The following CACNB2 variants were observed in gnomAD, a reference collection of about 807,000 sequenced individuals.
The protein encoded by CACNB2 is voltage-dependent L-type calcium channel subunit beta-2.
CACNB2 carries 42 observed loss-of-function variants against 73.3 expected under a neutral mutation model. That is an observed-to-expected ratio of 0.57 (90% CI 0.45 to 0.74). The LOEUF is 0.74. Among genes scored for constraint, CACNB2 ranks in the 30% least tolerant of loss-of-function variants. CACNB2 has a pLI of 0.00. For synonymous variants in CACNB2, 348 were observed against 310.3 expected (o/e 1.12, Z -1.28); for missense variants, 940 against 853.0 (o/e 1.10, Z -1.27).
At chr10:18,525,228 G>C in intron 9 of CACNB2, among the ~76,000 whole-genome samples, 1 of 151,832 alleles carries the variant, frequency 6.6e-6, no homozygotes. Flanking sequence ...TTATATGCTT[G>C]GGGATTCCTT....
At chr10:18,263,610 A>G (rs1358140988) in intron 2 of CACNB2, among the ~76,000 whole-genome samples, 1 of 152,206 alleles carries the variant, frequency 6.6e-6, no homozygotes, top group Admixed American at 6.5e-5. Context: ...TTAGTATGAC[A>G]GCTTTCTTAA....
At chr10:18,408,387 C>T (rs1336216143) in intron 3 of CACNB2, among the ~76,000 whole-genome samples, 2 of 151,776 alleles carry the variant, frequency 1.3e-5, no homozygotes, top group African/African-American at 2.4e-5. Context: ...TACAGGTGTG[C>T]ACCACTGCGC....
intron 2 of CACNB2, among the ~76,000 whole-genome samples, chr10:18,251,417 T>G (rs891396180): frequency 6.6e-6 from 1 of 152,026 alleles, no homozygotes; most frequent in African/African-American, 2.4e-5. Context: ...CCAGCCAATT[T>G]TTGTATTTTT....
chr10:18,342,375 C>T (rs994940779), intron 2 of CACNB2, among the ~76,000 whole-genome samples: 1 of 152,130 alleles, frequency 6.6e-6, no homozygotes, highest in African/African-American at 2.4e-5. Context: ...CACCTGTAAT[C>T]CCAAAAGTTT....
At chr10:18,421,071 A>C (rs181414750) in intron 3 of CACNB2, among the ~76,000 whole-genome samples, 86 of 152,236 alleles carry the variant, frequency 5.6e-4, no homozygotes, top group Non-Finnish European at 8.8e-5. Context: ...ATTTTTCCCC[A>C]AAAAATTCAT....
At chr10:18,227,517 C>T (rs138093134) in intron 2 of CACNB2, among the ~76,000 whole-genome samples, 6 of 152,274 alleles carry the variant, frequency 3.9e-5, no homozygotes, top group Admixed American at 1.3e-4. Context: ...ATGAAAGGCA[C>T]ATAAAGGCAA....
chr10:18,309,184 T>C (rs1352861178), intron 2 of CACNB2, among the ~76,000 whole-genome samples: 3 of 152,192 alleles, frequency 2.0e-5, no homozygotes, highest in Non-Finnish European at 4.4e-5. Flanking sequence ...TTATCTTATT[T>C]TTTATATGTT....
chr10:18,527,635 C>T lies in CACNB2; in HGVS notation c.992C>T (p.Ser331Leu), dbSNP rs754335613. The change falls in exon 10 of 14, where the codon TCG becomes TTG. Residue 331 changes from serine to leucine, a missense_variant. Coordinates refer to ENST00000324631, the MANE Select transcript of CACNB2 (RefSeq NM_201596.3). ...GCTGACATCTCGCTTGCCAAACGCT[C>T]GGTATTAAACAATCCCAGTAAGCAC... The part of the protein sequence containing the change: ...VTADISLAKR[S>L]VLNNPSKHAI... The T allele has an allele frequency of 6.8e-6, 11 of 1,613,936 alleles. No homozygotes were observed. The highest frequency in any genetic ancestry group is 2.2e-5 in the East Asian group (1 of 44,876).
chr10:18,432,690 G>C (rs989952540), intron 3 of CACNB2, among the ~76,000 whole-genome samples: 1 of 151,964 alleles, frequency 6.6e-6, no homozygotes, highest in Non-Finnish European at 1.5e-5. Flanking sequence ...ACAAAAACTA[G>C]CCCAGCATGG....
intron 3 of CACNB2, among the ~76,000 whole-genome samples, chr10:18,473,555 G>C (rs2048295832): frequency 6.6e-6 from 1 of 152,134 alleles, no homozygotes; most frequent in Non-Finnish European, 1.5e-5. Flanking sequence ...AATGACGCAT[G>C]CAGAGCATTT....
At chr10:18,420,811 C>T (rs555879672) in intron 3 of CACNB2, among the ~76,000 whole-genome samples, 4 of 152,210 alleles carry the variant, frequency 2.6e-5, no homozygotes, top group Middle Eastern at 3.4e-3. Context: ...GTTAAACATT[C>T]GAGTTGGACC....
chr10:18,283,262 T>C (rs1309926451), intron 2 of CACNB2, among the ~76,000 whole-genome samples: 1 of 152,212 alleles, frequency 6.6e-6, no homozygotes, highest in African/African-American at 2.4e-5. Flanking sequence ...GACAGTGTGG[T>C]GATTCCTCAG....
At chr10:18,402,646 AATAG>A (rs1199931856) in intron 3 of CACNB2, among the ~76,000 whole-genome samples, 1 of 152,194 alleles carries the variant, frequency 6.6e-6, no homozygotes, top group Non-Finnish European at 1.5e-5. Context: ...GCAGCTATGA[AATAG>A]ATAGTTACAG....
intron 2 of CACNB2, among the ~76,000 whole-genome samples, chr10:18,279,276 C>G (rs2038436973): frequency 6.6e-6 from 1 of 152,138 alleles, no homozygotes; most frequent in Non-Finnish European, 1.5e-5. Context: ...CCTTTTTTCT[C>G]TACCTTTCCC....
chr10:18,212,135 G>T (rs370942237), intron 2 of CACNB2, among the ~76,000 whole-genome samples: 2 of 152,104 alleles, frequency 1.3e-5, no homozygotes, highest in Non-Finnish European at 1.5e-5. Flanking sequence ...GCTTAAGGCC[G>T]ACCTTGGAGT....
At chr10:18,499,976 A>G (rs2050105211) in intron 4 of CACNB2, among the ~76,000 whole-genome samples, 1 of 152,114 alleles carries the variant, frequency 6.6e-6, no homozygotes, top group African/African-American at 2.4e-5. Flanking sequence ...GTCTTGATTA[A>G]AAATAGAAGA....
At chr10:18,367,036 C>T (rs1488114321) in intron 2 of CACNB2, among the ~76,000 whole-genome samples, 1 of 152,156 alleles carries the variant, frequency 6.6e-6, no homozygotes, top group Non-Finnish European at 1.5e-5. Context: ...GAATTTACTT[C>T]GAGGTGTGTA....
intron 2 of CACNB2, among the ~76,000 whole-genome samples, chr10:18,349,088 C>G (rs574441824): frequency 5.9e-5 from 9 of 152,204 alleles, no homozygotes; most frequent in Non-Finnish European, 1.2e-4. Context: ...CTTCTGCACT[C>G]CAGCCCGAGT....
intron 3 of CACNB2, among the ~76,000 whole-genome samples, chr10:18,421,703 C>T (rs868494129): frequency 2.8e-4 from 43 of 152,106 alleles, no homozygotes; most frequent in African/African-American, 1.0e-3. Flanking sequence ...CAAAAAATAG[C>T]TTATATCTAA....
Sources: gnomAD v4.1 joint callset for allele counts (sites outside exome capture counted in the v4.1 genomes callset) on GRCh38, gnomAD v4.1.1 for gene constraint, MANE v1.5 for transcripts, NCBI Gene and HGNC (gene_info 2026-07-23, HGNC 2026-07-21) for gene names.